CUL1: variants seen among roughly 807,000 people sequenced by gnomAD.
CUL1 encodes cullin-1.
CUL1 carries 24 observed loss-of-function variants against 118.0 expected under a neutral mutation model. That is an observed-to-expected ratio of 0.20 (90% CI 0.15 to 0.29). The LOEUF is 0.29. CUL1 is among the 10% of genes least tolerant of loss of function. CUL1 has a pLI of 1.00. For synonymous variants in CUL1, 332 were observed against 340.4 expected (o/e 0.98, Z 0.27); for missense variants, 361 against 933.8 (o/e 0.39, Z 7.99).
At chr7:148,750,983 TTA>T (rs1491233558) in intron 2 of CUL1, among the ~76,000 whole-genome samples, 3 of 96,914 alleles carry the variant, frequency 3.1e-5, no homozygotes, top group Non-Finnish European at 6.2e-5. Context: ...TCCTGTCTCT[TTA>T]AAAAAAAAAA....
chr7:148,768,680 C>A (rs567058525), intron 9 of CUL1, among the ~76,000 whole-genome samples: 1 of 152,048 alleles, frequency 6.6e-6, no homozygotes, highest in Non-Finnish European at 1.5e-5. Context: ...TCGTCACGTG[C>A]GGCCGAGAAG....
rs529372094 is a variant in CUL1 at position 148,723,976 on chromosome 7, T to C, written c.-161-5986T>C. ...CGTTCACTTATCAAGACCTCTGAAG[T>C]CTTCTAGCAAACAAAGTATTTAACT... On this transcript the variant is annotated intron_variant, in intron 1 of 21. Transcript: ENST00000325222. Among the ~76,000 whole-genome samples the C allele has an allele frequency of 7.2e-5, 11 of 152,308 alleles. No homozygotes were observed. In the East Asian group the frequency reaches 2.1e-3, roughly 29 times the overall value.
intron 1 of CUL1, among the ~76,000 whole-genome samples, chr7:148,706,309 T>G (rs1797880940): frequency 6.6e-6 from 1 of 152,208 alleles, no homozygotes; most frequent in African/African-American, 2.4e-5. Context: ...TGTGCCGAGC[T>G]TGCTTTGTGA....
chr7:148,774,352 T>C (rs1800327806), intron 9 of CUL1, among the ~76,000 whole-genome samples: 1 of 152,220 alleles, frequency 6.6e-6, no homozygotes, highest in South Asian at 2.1e-4. Context: ...TCATCAGCAG[T>C]ACACTCACAA....
chr7:148,799,567 A>G (rs1279836710), intron 21 of CUL1, among the ~76,000 whole-genome samples, 179 bp downstream of exon 21: 4 of 152,254 alleles, frequency 2.6e-5, no homozygotes, highest in Non-Finnish European at 5.9e-5. Flanking sequence ...CAAAGTGCAC[A>G]GATGATGAAG....
At chr7:148,724,563 C>A (rs1798499214) in intron 1 of CUL1, among the ~76,000 whole-genome samples, 1 of 152,170 alleles carries the variant, frequency 6.6e-6, no homozygotes, top group Non-Finnish European at 1.5e-5. Flanking sequence ...CTAATTGCAT[C>A]TTCTGCCTTG....
chr7:148,764,627 A>G (rs775314489), intron 7 of CUL1, among the ~76,000 whole-genome samples: 1 of 152,232 alleles, frequency 6.6e-6, no homozygotes, highest in Non-Finnish European at 1.5e-5. Flanking sequence ...AGAAAGAGTT[A>G]TAACTTAAAA....
chr7:148,714,735 A>C (rs977577095), intron 1 of CUL1, among the ~76,000 whole-genome samples: 1 of 152,172 alleles, frequency 6.6e-6, no homozygotes, highest in African/African-American at 2.4e-5. Context: ...GGGCAGTGGA[A>C]AGCATGAACA....
chr7:148,730,188 C>T lies in CUL1; in HGVS notation c.66C>T (p.Asp22=), dbSNP rs1014131406. Residue 22 remains aspartate (D), a synonymous_variant, in exon 2 of 22, where the codon GAC becomes GAT. Coordinates refer to ENST00000325222, the MANE Select transcript of CUL1 (RefSeq NM_003592.3). ...AGATTGGCCTGGACCAGATCTGGGACGACCTCAGAGCCGGCATCCAGCAGG... is the reference window on the plus strand; with the variant it reads ...AGATTGGCCTGGACCAGATCTGGGATGACCTCAGAGCCGGCATCCAGCAGG... ...LKQIGLDQIW[D]DLRAGIQQVY... The T allele has an allele frequency of 3.8e-5, 61 of 1,614,004 alleles. No individual in the cohort carries two copies. Among genetic ancestry groups the T allele is most frequent in the African/African-American group, 6.7e-5 (5 of 74,902 alleles).
intron 9 of CUL1, among the ~76,000 whole-genome samples, chr7:148,774,384 T>G (rs569269290): frequency 6.6e-6 from 1 of 152,262 alleles, no homozygotes; most frequent in African/African-American, 2.4e-5. Context: ...GTCAAGTCCT[T>G]GGGTAGTTTG....
intron 1 of CUL1, among the ~76,000 whole-genome samples, chr7:148,708,265 A>G (rs1797948259): frequency 6.6e-6 from 1 of 152,216 alleles, no homozygotes; most frequent in Non-Finnish European, 1.5e-5. Flanking sequence ...CCTTTCTTCC[A>G]ACTTGGCTTG....
At chr7:148,719,631 T>C (rs1798334814) in intron 1 of CUL1, among the ~76,000 whole-genome samples, 2 of 152,222 alleles carry the variant, frequency 1.3e-5, no homozygotes, top group African/African-American at 4.8e-5. Flanking sequence ...ATTTTCTTGA[T>C]TAAAAACTGT....
rs763154515 is a variant in CUL1, at chr7:148,787,219, T to C, written c.1479+99T>C. 3.6e-5 allele frequency: 46 copies of C among 1,268,732 alleles called. No individual in the cohort carries two copies. Among genetic ancestry groups the C allele is most frequent in the Non-Finnish European group, 4.8e-5 (44 of 916,632 alleles). 78.6% of individuals were successfully genotyped at this position (1,268,732 alleles called of 1,614,324 possible). A position where few individuals can be genotyped will look rare whatever the true frequency, so the allele number is the denominator to read the frequency against. On this transcript the variant is annotated intron_variant, in intron 13 of 21. Coordinates refer to ENST00000325222, the MANE Select transcript of CUL1 (RefSeq NM_003592.3). The surrounding 1 kb of genome is among the most constrained non-coding windows in gnomAD (Gnocchi z 5.5). ...GGCTCATGCCTGTAATCCCAGCACT[T>C]TGGGAGGCCGAGGCGGGCAGATCAC...
At chr7:148,760,965 C>T (rs1016462805) in intron 7 of CUL1, among the ~76,000 whole-genome samples, 6 of 152,148 alleles carry the variant, frequency 3.9e-5, no homozygotes, top group Non-Finnish European at 5.9e-5. Context: ...GCTGTCCTCC[C>T]GCTTCAGCCT....
chr7:148,760,025 G>A (rs1473768249), intron 6 of CUL1, among the ~76,000 whole-genome samples: 1 of 152,084 alleles, frequency 6.6e-6, no homozygotes, highest in Non-Finnish European at 1.5e-5. Context: ...GTATTTCTTT[G>A]CAAATTTAAA....
chr7:148,769,448 CAA>C (rs1491112172), intron 9 of CUL1, among the ~76,000 whole-genome samples: 2,282 of 131,270 alleles, frequency 0.017, 41 homozygotes, highest in Middle Eastern at 0.036. Flanking sequence ...CACACACACA[CAA>C]AACGCTCACC....
At chr7:148,729,557 C>T (rs572618636) in intron 1 of CUL1, among the ~76,000 whole-genome samples, 2 of 152,238 alleles carry the variant, frequency 1.3e-5, no homozygotes, top group South Asian at 2.1e-4. Context: ...ATAGGTAACC[C>T]GTGAGATTGT....
intron 2 of CUL1, among the ~76,000 whole-genome samples, chr7:148,751,235 A>AC (rs1488555338): frequency 6.6e-6 from 1 of 151,956 alleles, no homozygotes; most frequent in Non-Finnish European, 1.5e-5. Flanking sequence ...ACATAGCAAG[A>AC]CCCCATCTCT....
intron 1 of CUL1, among the ~76,000 whole-genome samples, chr7:148,711,221 T>C (rs1340085337): frequency 6.6e-6 from 1 of 152,234 alleles, no homozygotes; most frequent in Admixed American, 6.5e-5. Context: ...CCAGTGTCCA[T>C]AATTTCGGAA....
Sources: gnomAD v4.1 joint callset for allele counts (sites outside exome capture counted in the v4.1 genomes callset) on GRCh38, gnomAD v4.1.1 for gene constraint, Gnocchi (gnomAD v3.1) non-coding constraint, MANE v1.5 for transcripts, NCBI Gene and HGNC (gene_info 2026-07-23, HGNC 2026-07-21) for gene names.